The following G6PC3 variants were observed in gnomAD, a reference collection of about 807,000 sequenced individuals.
The protein encoded by G6PC3 is glucose-6-phosphatase 3.
A neutral mutation model predicts 38.6 loss-of-function variants in G6PC3; 30 were observed. The observed-to-expected ratio is 0.78, with a 90% confidence interval of 0.58 to 1.05. The LOEUF is 1.05. Ranked by LOEUF, G6PC3 falls within the 50% of genes least tolerant of loss-of-function variation. The probability of loss-of-function intolerance (pLI) is 0.00; values close to 1 mark genes in which losing one functional copy is unlikely to be tolerated. For missense variants in G6PC3, 377 were observed against 443.1 expected (o/e 0.85, Z 1.34); for synonymous variants, 192 against 178.1 (o/e 1.08, Z -0.62).
chr17:44,075,896 C>T lies in G6PC3; in HGVS notation c.894C>T (p.Asp298=), dbSNP rs142944376. 24 of 1,613,066 alleles carry T rather than the reference C, an allele frequency of 1.5e-5. No homozygotes were observed. The highest frequency in any genetic ancestry group is 2.0e-5 in the Non-Finnish European group (24 of 1,180,026). Reference sequence around the variant, plus strand: ...CCATGGGGCTGCTGGGCCCCCTGGACTGGCTGGGCCACCCCCCTCAGATCA... The same window carrying T: ...CCATGGGGCTGCTGGGCCCCCTGGATTGGCTGGGCCACCCCCCTCAGATCA... ...VLAMGLLGPL[D]WLGHPPQISL... Residue 298 remains aspartate (D), a synonymous_variant, in exon 6 of 6, where the codon GAC becomes GAT. Coordinates refer to ENST00000269097, the MANE Select transcript of G6PC3 (RefSeq NM_138387.4).
chr17:44,074,632 G>A, intron 2 of G6PC3, 48 bp from the exon 3 acceptor site: 3 of 1,551,602 alleles, frequency 1.9e-6, no homozygotes, highest in Non-Finnish European at 2.7e-6. Context: ...AGGGGCCCCG[G>A]GGTTCTGCCT....
Position 44,073,989 on chromosome 17 carries a change from A to G in G6PC3, c.219-171A>G, listed in dbSNP as rs960510445. ...TGCTTTCTTTCTCCTGTTCTAAGGTAGAAAACCATGGCAAGGTATCCATGG... is the reference window on the plus strand; with the variant it reads ...TGCTTTCTTTCTCCTGTTCTAAGGTGGAAAACCATGGCAAGGTATCCATGG... On this transcript the variant is annotated intron_variant, in intron 1 of 5. Coordinates refer to ENST00000269097, the MANE Select transcript of G6PC3 (RefSeq NM_138387.4). 6.9e-6 allele frequency: 5 copies of G among 720,904 alleles called. No individual in the cohort carries two copies. In the African/African-American group the frequency reaches 8.8e-5, roughly 13 times the overall value. The allele number at this position is 720,904 out of a possible 1,614,324, so 44.7% of individuals were successfully genotyped here. A position where few individuals can be genotyped will look rare whatever the true frequency, so the allele number is the denominator to read the frequency against.
In G6PC3 at chr17:44,075,924, C is replaced by T. The variant is rs2050097163; in HGVS notation, c.922C>T (p.Leu308Phe). 6.2e-7 allele frequency: 1 copy of T among 1,613,232 alleles called. No homozygotes were observed. The highest frequency in any genetic ancestry group is 8.5e-7 in the Non-Finnish European group (1 of 1,180,016). The change falls in exon 6 of 6, where the codon CTC (leucine) becomes TTC (phenylalanine). Residue 308 changes from leucine to phenylalanine, a missense_variant. By Grantham distance (22) the Leu-to-Phe change is conservative. Coordinates refer to ENST00000269097, the MANE Select transcript of G6PC3 (RefSeq NM_138387.4). ...DWLGHPPQIS[L>F]FYIFNFLKYT... ...GCTGGGCCACCCCCCTCAGATCAGC[C>T]TCTTCTACATTTTCAATTTCCTCAA...
chr17:44,074,407 G>GA (rs1420289161), intron 2 of G6PC3, 141 bp downstream of exon 2: 10 of 786,676 alleles, frequency 1.3e-5, no homozygotes, highest in Non-Finnish European at 2.2e-5. Context: ...ACCCCAGGGA[G>GA]ACCAAGCTGA....
In G6PC3 at chr17:44,070,810, C is replaced by T. The variant is rs949795933; in HGVS notation, c.-156C>T. 2.5e-6 allele frequency: 2 copies of T among 786,944 alleles called. No individual in the cohort carries two copies. Among genetic ancestry groups the T allele is most frequent in the African/African-American group, 3.4e-5 (2 of 58,408 alleles). The allele number at this position is 786,944 out of a possible 1,614,324, so 48.7% of individuals were successfully genotyped here. A position where few individuals can be genotyped will look rare whatever the true frequency, so the allele number is the denominator to read the frequency against. On this transcript the variant is annotated 5_prime_UTR_variant, in exon 1 of 6. Coordinates refer to ENST00000269097, the MANE Select transcript of G6PC3 (RefSeq NM_138387.4). ...AGGCCGGTCTTGCAGGAGCGGGGGA[C>T]TGCTGGGGGCGGGGCTTGGTGGTGA...
chr17:44,074,355 C>A lies in G6PC3; in HGVS notation c.325+89C>A, dbSNP rs958605186. On this transcript the variant is annotated intron_variant, in intron 2 of 5. Transcript: ENST00000269097. ...TACTTTTCAGCCTGGGTGGCCCAAC[C>A]AAAGGACCAGCCTCTCAATTACTGG... 1.8e-5 allele frequency: 19 copies of A among 1,032,236 alleles called. No homozygotes were observed. The African/African-American group carries it at 2.2e-4, about 12-fold the overall frequency. The allele number at this position is 1,032,236 out of a possible 1,614,324, so 63.9% of individuals were successfully genotyped here.
At position 44,076,261 on chromosome 17, in the gene G6PC3, A is replaced by AAAGGCAACAG; in HGVS notation, c.*219_*228dup. On this transcript the variant is annotated 3_prime_UTR_variant, in exon 6 of 6. Coordinates refer to ENST00000269097, the MANE Select transcript of G6PC3 (RefSeq NM_138387.4). ...CTTTCCTCTCAAGCCCCCAAAGAGC[A>AAAGGCAACAG]AAGGCAACAGCAAGACCAGCGGGTT... is the stretch of plus-strand genomic sequence containing the variant. 1 of 731,002 alleles carries AAAGGCAACAG rather than the reference A, an allele frequency of 1.4e-6. No individual in the cohort carries two copies. The highest frequency in any genetic ancestry group is 2.4e-6 in the Non-Finnish European group (1 of 408,550). 45.3% of individuals were successfully genotyped at this position (731,002 alleles called of 1,614,324 possible). A position where few individuals can be genotyped will look rare whatever the true frequency, so the allele number is the denominator to read the frequency against.
intron 1 of G6PC3, chr17:44,073,826 T>G (rs577984349): frequency 2.9e-6 from 1 of 343,074 alleles, no homozygotes; most frequent in African/African-American, 2.1e-5. Context: ...ACTCCTGGCT[T>G]CAAGTGATCC....
Position 44,076,087 on chromosome 17 carries a change from ACT to A in G6PC3, c.*47_*48del, listed in dbSNP as rs1463138568. 1.9e-5 allele frequency: 30 copies of A among 1,606,346 alleles called. No homozygotes were observed. The highest frequency in any genetic ancestry group is 2.5e-5 in the Non-Finnish European group (30 of 1,179,510). On this transcript the variant is annotated 3_prime_UTR_variant, in exon 6 of 6. Coordinates refer to ENST00000269097, the MANE Select transcript of G6PC3 (RefSeq NM_138387.4). ...TTCCTTTCCCTCCCACAAAGCCAAC[ACT>A]CTGTGACCACCACACTCCAGGAGGC...
rs775838573 is a variant in G6PC3, at chr17:44,076,249, C to G, written c.*206C>G. 1.4e-5 allele frequency: 11 copies of G among 761,418 alleles called. 1 individual carries two copies. The Admixed American group carries it at 2.1e-4, about 15-fold the overall frequency. 47.2% of individuals were successfully genotyped at this position (761,418 alleles called of 1,614,324 possible). On this transcript the variant is annotated 3_prime_UTR_variant, in exon 6 of 6. Transcript: ENST00000269097. Reference sequence around the variant, plus strand: ...TCCTCCCTCTGCCTTTCCTCTCAAGCCCCCAAAGAGCAAAGGCAACAGCAA... The same window carrying G: ...TCCTCCCTCTGCCTTTCCTCTCAAGGCCCCAAAGAGCAAAGGCAACAGCAA...
At position 44,070,813 on chromosome 17, in the gene G6PC3, C is replaced by A; in HGVS notation, c.-153C>A. On this transcript the variant is annotated 5_prime_UTR_variant, in exon 1 of 6. It adds an upstream start codon to the 5' untranslated region. Transcript: ENST00000269097. ...CCGGTCTTGCAGGAGCGGGGGACTG[C>A]TGGGGGCGGGGCTTGGTGGTGACCG... 1.2e-6 allele frequency: 1 copy of A among 806,582 alleles called. No individual in the cohort carries two copies. Among genetic ancestry groups the A allele is most frequent in the Non-Finnish European group, 2.0e-6 (1 of 488,672 alleles). The allele number at this position is 806,582 out of a possible 1,614,324, so 50.0% of individuals were successfully genotyped here.
chr17:44,076,341 T>C lies in G6PC3; in HGVS notation c.*298T>C. On this transcript the variant is annotated 3_prime_UTR_variant, in exon 6 of 6. Transcript: ENST00000269097. ...GGCCCCAATAAAGCCCTTGAATACT[T>C]TGAGATTCCTTTCTTGCCTATGCGC... 1 of 604,700 alleles carries C rather than the reference T, an allele frequency of 1.7e-6. No individual in the cohort carries two copies. Among genetic ancestry groups the C allele is most frequent in the Non-Finnish European group, 3.1e-6 (1 of 324,816 alleles). The allele number at this position is 604,700 out of a possible 1,614,324, so 37.5% of individuals were successfully genotyped here.
chr17:44,076,118 CCCATCCCCTT>C lies in G6PC3; in HGVS notation c.*79_*88del, dbSNP rs1567971472. 1.3e-6 allele frequency: 2 copies of C among 1,586,722 alleles called. No individual in the cohort carries two copies. Among genetic ancestry groups the C allele is most frequent in the South Asian group, 2.2e-5 (2 of 90,170 alleles). ...TGACCACCACACTCCAGGAGGCAGC[CCCATCCCCTT>C]CCAGCCCCTAAGTAGGCCCTCCCCT... On this transcript the variant is annotated 3_prime_UTR_variant, in exon 6 of 6. Transcript: ENST00000269097.
chr17:44,076,160 A>G lies in G6PC3; in HGVS notation c.*117A>G, dbSNP rs1172484511. The G allele has an allele frequency of 7.5e-7, 1 of 1,338,568 alleles. No homozygotes were observed. The highest frequency in any genetic ancestry group is 1.2e-5 in the South Asian group (1 of 85,008). The allele number at this position is 1,338,568 out of a possible 1,614,324, so 82.9% of individuals were successfully genotyped here. A position where few individuals can be genotyped will look rare whatever the true frequency, so the allele number is the denominator to read the frequency against. ...CCTAAGTAGGCCCTCCCCTCCCTAA[A>G]TCTGCTTCCGCACCACCTGGTCTTA... On this transcript the variant is annotated 3_prime_UTR_variant, in exon 6 of 6. Transcript: ENST00000269097.
Position 44,074,958 on chromosome 17 carries a change from C to G in G6PC3, c.417-11C>G. ...GACACGCTCTGAGCTCCTTGCCTCT[C>G]TTCTTTCTAGCCGCTGGGTAAGGGT... On this transcript the variant is annotated splice_polypyrimidine_tract_variant and intron_variant, in intron 3 of 5. Coordinates refer to ENST00000269097, the MANE Select transcript of G6PC3 (RefSeq NM_138387.4). The G allele has an allele frequency of 1.2e-5, 20 of 1,611,552 alleles. No individual in the cohort carries two copies. The highest frequency in any genetic ancestry group is 1.6e-5 in the Non-Finnish European group (19 of 1,177,590).
At chr17:44,071,993 C>G (rs1597906245) in intron 1 of G6PC3, 1 of 269,178 alleles carries the variant, frequency 3.7e-6, no homozygotes, top group Middle Eastern at 1.5e-3. Flanking sequence ...CCACACCTCC[C>G]TTCACCTCAG....
At position 44,075,883 on chromosome 17, in the gene G6PC3, T is replaced by G. The variant is rs995753400; in HGVS notation, c.881T>G (p.Leu294Arg). Residue 294 changes from leucine (L) to arginine (R), a missense_variant, in exon 6 of 6, where the codon CTG (leucine) becomes CGG (arginine). Physicochemically the swap from Leu to Arg is moderately radical, Grantham distance 102. Coordinates refer to ENST00000269097, the MANE Select transcript of G6PC3 (RefSeq NM_138387.4). ...TGCCTTGTGCTGGCCATGGGGCTGC[T>G]GGGCCCCCTGGACTGGCTGGGCCAC... Reference protein sequence around the residue: ...IACLVLAMGLLGPLDWLGHPP... With the variant: ...IACLVLAMGLRGPLDWLGHPP... 6.2e-7 allele frequency: 1 copy of G among 1,612,718 alleles called. No homozygotes were observed. Among genetic ancestry groups the G allele is most frequent in the Non-Finnish European group, 8.5e-7 (1 of 1,180,020 alleles).
rs2050073432 is a variant in G6PC3, at chr17:44,075,393, A to G, written c.619A>G (p.Met207Val). The G allele has an allele frequency of 1.2e-6, 2 of 1,614,058 alleles. No homozygotes were observed. Among genetic ancestry groups the G allele is most frequent in the African/African-American group, 1.3e-5 (1 of 74,910 alleles). The stretch of plus-strand genomic sequence containing the variant: ...CTATGGGTTGACTGCACTGGCCCTC[A>G]TGCTAGGCACCAGCCTCATCTATTG... ...SFYGLTALAL[M>V]LGTSLIYWTL... Residue 207 changes from methionine to valine, a missense_variant, in exon 5 of 6, where the codon ATG (methionine) becomes GTG (valine). By Grantham distance (21) the Met-to-Val change is conservative (BLOSUM62 1). Transcript: ENST00000269097.
rs141663645 is a variant in G6PC3 at position 44,075,020 on chromosome 17, G to A, written c.468G>A (p.Ala156=). 140 of 1,614,158 alleles carry A rather than the reference G, an allele frequency of 8.7e-5. No individual in the cohort carries two copies. In the African/African-American group the frequency reaches 1.6e-3, roughly 19 times the overall value. ...TGGCTTATTGCACCTTCCTTTTGGC[G>A]GTTGGCTTGTCGCGAATCTTCATCT... The part of the protein sequence containing the change: ...PSLAYCTFLL[A]VGLSRIFILA... Residue 156 remains alanine (A), a synonymous_variant, in exon 4 of 6, where the codon GCG becomes GCA. Coordinates refer to ENST00000269097, the MANE Select transcript of G6PC3 (RefSeq NM_138387.4).
Sources: gnomAD v4.1 joint callset for allele counts on GRCh38, gnomAD v4.1.1 for gene constraint, MANE v1.5 for transcripts, NCBI Gene and HGNC (gene_info 2026-07-23, HGNC 2026-07-21) for gene names.